Variants in CDK5RAP2 observed in about 807,000 individuals in gnomAD.
CDK5RAP2 encodes CDK5 regulatory subunit-associated protein 2.
CDK5RAP2 carries 147 observed loss-of-function variants against 232.9 expected under a neutral mutation model. That is an observed-to-expected ratio of 0.63 (90% CI 0.55 to 0.72). CDK5RAP2 has a LOEUF of 0.72. Among genes scored for constraint, CDK5RAP2 ranks in the 30% least tolerant of loss-of-function variants. The pLI, the probability that CDK5RAP2 is intolerant of heterozygous loss-of-function variation, is 0.00. For synonymous variants in CDK5RAP2, 833 were observed against 833.7 expected (o/e 1.00, Z 0.01); for missense variants, 2,195 against 2,231.5 (o/e 0.98, Z 0.33).
rs144571290 is a variant in CDK5RAP2 at position 120,408,741 on chromosome 9, C to T, written c.4605-273G>A. 3.3e-5 allele frequency among the ~76,000 whole-genome samples: 5 copies of T among 152,384 alleles called. No individual in the cohort carries two copies. The East Asian group carries it at 9.6e-4, about 29-fold the overall frequency. On this transcript the variant is annotated intron_variant, in intron 30 of 37. Transcript: ENST00000349780. Reference sequence around the variant, plus strand: ...TGATTTGGTATCCTGCCAGCCCCCTCTCCAGATACACTGCCCTGCTCTGTC... The same window carrying T: ...TGATTTGGTATCCTGCCAGCCCCCTTTCCAGATACACTGCCCTGCTCTGTC...
chr9:120,437,549 A>C, intron 24 of CDK5RAP2, 22 bp from the exon 25 acceptor site: 1 of 1,551,026 alleles, frequency 6.4e-7, no homozygotes, highest in Non-Finnish European at 8.9e-7. Context: ...GGGGAAAGAA[A>C]ATACTTGGAC....
chr9:120,397,574 A>G (rs1265848659), intron 35 of CDK5RAP2, among the ~76,000 whole-genome samples: 2 of 125,590 alleles, frequency 1.6e-5, no homozygotes, highest in African/African-American at 3.2e-5. Context: ...AAGAAAAAAG[A>G]AAAAAAAAAA....
At chr9:120,571,937 T>C (rs745796685) in intron 2 of CDK5RAP2, 37 bp downstream of exon 2, 9 of 1,538,426 alleles carry the variant, frequency 5.9e-6, no homozygotes, top group Middle Eastern at 1.7e-4. Context: ...CTTTCCTTGT[T>C]CTTTACTCAA....
rs78916241 is a variant in CDK5RAP2, at chr9:120,505,358, T to G, written c.1311+13069A>C. On this transcript the variant is annotated intron_variant, in intron 12 of 37. Coordinates refer to ENST00000349780, the MANE Select transcript of CDK5RAP2 (RefSeq NM_018249.6). ...GCAAACTTAACGGATAAAAGTGTATTCCAAGAGCTCCACCAACTGGCCATT... is the reference window on the plus strand; with the variant it reads ...GCAAACTTAACGGATAAAAGTGTATGCCAAGAGCTCCACCAACTGGCCATT... Among the ~76,000 whole-genome samples, 569 of 152,302 alleles carry G rather than the reference T, an allele frequency of 3.7e-3. 3 individuals carry two copies. The highest frequency in any genetic ancestry group is 0.012 in the African/African-American group (508 of 41,554).
intron 16 of CDK5RAP2, among the ~76,000 whole-genome samples, chr9:120,470,957 G>A (rs765393821): frequency 6.6e-6 from 1 of 152,208 alleles, no homozygotes; most frequent in Non-Finnish European, 1.5e-5. Flanking sequence ...TGCCCTGGCT[G>A]AAATCTGGGC....
chr9:120,464,203 C>T lies in CDK5RAP2; in HGVS notation c.2107-3536G>A, dbSNP rs76031936. On this transcript the variant is annotated intron_variant, in intron 18 of 37. Transcript: ENST00000349780. ...CACTCTACTGCCTCTCCCCCTGCCTCTTGAGCTATTCTTTCTTCATCTGCT... is the reference window on the plus strand; with the variant it reads ...CACTCTACTGCCTCTCCCCCTGCCTTTTGAGCTATTCTTTCTTCATCTGCT... 1.9e-3 allele frequency among the ~76,000 whole-genome samples: 293 copies of T among 152,270 alleles called. 3 individuals carry two copies. The highest frequency in any genetic ancestry group is 0.016 in the East Asian group (84 of 5,176).
chr9:120,439,824 C>T lies in CDK5RAP2; in HGVS notation c.3297G>A (p.Gln1099=), dbSNP rs1306399576. The T allele has an allele frequency of 6.2e-7, 1 of 1,614,182 alleles. No homozygotes were observed. The highest frequency in any genetic ancestry group is 8.5e-7 in the Non-Finnish European group (1 of 1,180,018). Residue 1099 remains glutamine, a synonymous_variant, in exon 24 of 38, where the codon CAG becomes CAA. Transcript: ENST00000349780. The part of the protein sequence containing the change: ...SAKVSVMGTD[Q]SESINTSNET... ...CATTTGAGGTATTAATGCTCTCTGA[C>T]TGATCAGTCCCCATCACACTGACTT...
intron 3 of CDK5RAP2, among the ~76,000 whole-genome samples, chr9:120,566,374 C>T (rs1443821526): frequency 6.6e-6 from 1 of 152,164 alleles, no homozygotes; most frequent in Non-Finnish European, 1.5e-5. Context: ...AAAAACCTAA[C>T]AGCAACCAAA....
At chr9:120,447,690 T>G (rs2036266857) in intron 22 of CDK5RAP2, among the ~76,000 whole-genome samples, 1 of 152,158 alleles carries the variant, frequency 6.6e-6, no homozygotes, top group Non-Finnish European at 1.5e-5. Context: ...TTATCCAGAC[T>G]CCAGAATAAA....
At chr9:120,419,197 G>A (rs2034419069) in intron 27 of CDK5RAP2, among the ~76,000 whole-genome samples, 1 of 152,182 alleles carries the variant, frequency 6.6e-6, no homozygotes, top group Non-Finnish European at 1.5e-5. Flanking sequence ...GCTCTACCCT[G>A]ATCTTGGACT....
At chr9:120,454,051 C>T (rs948180595) in intron 20 of CDK5RAP2, among the ~76,000 whole-genome samples, 178 bp from the exon 21 acceptor site, 24 of 152,312 alleles carry the variant, frequency 1.6e-4, no homozygotes, top group African/African-American at 5.1e-4. Flanking sequence ...TGTAACCTCA[C>T]GGCACCCAAA....
chr9:120,416,697 T>A (rs2034242775), intron 27 of CDK5RAP2, among the ~76,000 whole-genome samples: 1 of 152,200 alleles, frequency 6.6e-6, no homozygotes, highest in African/African-American at 2.4e-5. Flanking sequence ...AGGGGTAGGT[T>A]TCTAGAATCA....
At chr9:120,407,711 T>TA (rs57709885) in intron 31 of CDK5RAP2, 95,523 of 142,130 alleles carry the variant, frequency 0.67, 32,194 homozygotes, top group East Asian at 0.77. Context: ...ATTAGTAAAA[T>TA]AAAAAAAAAA....
chr9:120,487,486 T>A (rs2038675942), intron 13 of CDK5RAP2, 49 bp from the exon 14 acceptor site: 1 of 1,433,836 alleles, frequency 7.0e-7, no homozygotes, highest in East Asian at 2.4e-5. Context: ...AGAAAAAAAA[T>A]ATTAAGAAAC....
At chr9:120,467,779 G>C in intron 18 of CDK5RAP2, 81 bp downstream of exon 18, 2 of 1,482,702 alleles carry the variant, frequency 1.3e-6, no homozygotes, top group South Asian at 1.1e-5. Flanking sequence ...CCAAAGTGCT[G>C]GGATTACAGG....
At chr9:120,401,610 C>CAAAAAAAAA (rs142588120) in intron 34 of CDK5RAP2, among the ~76,000 whole-genome samples, 1 of 61,530 alleles carries the variant, frequency 1.6e-5, no homozygotes, top group African/African-American at 5.9e-5. Flanking sequence ...GACCCTGTCT[C>CAAAAAAAAA]AAAAAAAAAA....
At chr9:120,489,013 G>A (rs575364005) in intron 13 of CDK5RAP2, among the ~76,000 whole-genome samples, 5 of 152,242 alleles carry the variant, frequency 3.3e-5, no homozygotes, top group South Asian at 4.2e-4. Flanking sequence ...ATCATCCTAC[G>A]AGAGCTTCCA....
rs187715637 is a variant in CDK5RAP2 at position 120,443,746 on chromosome 9, C to T, written c.3026-4G>A. 2.8e-4 allele frequency: 452 copies of T among 1,613,946 alleles called. No individual in the cohort carries two copies. The highest frequency in any genetic ancestry group is 3.6e-4 in the Non-Finnish European group (419 of 1,180,000). On this transcript the variant is annotated splice_polypyrimidine_tract_variant and splice_region_variant and intron_variant, in intron 22 of 37. Coordinates refer to ENST00000349780, the MANE Select transcript of CDK5RAP2 (RefSeq NM_018249.6). Reference sequence around the variant, plus strand: ...GCTGCTCCCACAGGGGGCTGAGCTACAGGCAATCACAAAGAGAAAGAAAAA... The same window carrying T: ...GCTGCTCCCACAGGGGGCTGAGCTATAGGCAATCACAAAGAGAAAGAAAAA...
chr9:120,444,823 C>CT (rs776738293), intron 22 of CDK5RAP2, among the ~76,000 whole-genome samples: 5 of 152,202 alleles, frequency 3.3e-5, no homozygotes, highest in Non-Finnish European at 5.9e-5. Context: ...AGCCAAGTCA[C>CT]TTTATCTCTG....
Sources: gnomAD v4.1 joint callset for allele counts (sites outside exome capture counted in the v4.1 genomes callset) on GRCh38, gnomAD v4.1.1 for gene constraint, MANE v1.5 for transcripts, NCBI Gene and HGNC (gene_info 2026-07-23, HGNC 2026-07-21) for gene names.